The following ABITRAM variants were observed in gnomAD, a reference collection of about 807,000 sequenced individuals.
ABITRAM encodes protein Abitram.
Under a neutral mutation model 22.9 loss-of-function variants are expected in ABITRAM, and 19 were observed. The ratio of observed to expected loss-of-function variants is 0.83; its 90% CI spans 0.58 to 1.22. ABITRAM has a LOEUF of 1.22. ABITRAM is among the 50% of genes most tolerant of loss of function. The pLI, the probability that ABITRAM is intolerant of heterozygous loss-of-function variation, is 0.00. For synonymous variants in ABITRAM, 70 were observed against 73.9 expected, an observed-to-expected ratio of 0.95 and a Z score of 0.27; for missense variants, 215 against 220.2, an observed-to-expected ratio of 0.98 and a Z score of 0.15.
At chr9:108,937,825 C>CA (rs11378136) in intron 3 of ABITRAM, among the ~76,000 whole-genome samples, 74,159 of 147,358 alleles carry the variant, frequency 0.5, 18,626 homozygotes, top group Middle Eastern at 0.67. Flanking sequence ...TCATTTCTAC[C>CA]AAAAAAAAAA....
At chr9:108,939,162 A>C in intron 3 of ABITRAM, 34 bp from the exon 4 acceptor site, 1 of 1,587,312 alleles carries the variant, frequency 6.3e-7, no homozygotes, top group Non-Finnish European at 8.6e-7. Flanking sequence ...GGAAATGTCC[A>C]TCAACTGATT....
At chr9:108,934,898 T>C (rs1254079229) in intron 1 of ABITRAM, among the ~76,000 whole-genome samples, 1 of 152,136 alleles carries the variant, frequency 6.6e-6, no homozygotes, top group Admixed American at 6.5e-5. Flanking sequence ...ATTGAGGGGC[T>C]CACTCTCACA....
Position 108,939,842 on chromosome 9 carries a change from T to G in ABITRAM, c.*156T>G. On this transcript the variant is annotated 3_prime_UTR_variant, in exon 6 of 6. Transcript: ENST00000322940. ...CTTCACTTAGTTTTCCCTCTCTGTC[T>G]TCATAATGAGCCTTGGTTCCCATTT... The G allele has an allele frequency of 1.2e-6, 1 of 820,354 alleles. No homozygotes were observed. The highest frequency in any genetic ancestry group is 1.9e-6 in the Non-Finnish European group (1 of 538,828). The allele number at this position is 820,354 out of a possible 1,614,324, so 50.8% of individuals were successfully genotyped here. A position where few individuals can be genotyped will look rare whatever the true frequency, so the allele number is the denominator to read the frequency against.
intron 3 of ABITRAM, chr9:108,948,152 T>G: frequency 6.2e-7 from 1 of 1,605,586 alleles, no homozygotes; most frequent in Non-Finnish European, 8.5e-7. Context: ...AGCCCGAAAT[T>G]AAAGTACTAG....
intron 3 of ABITRAM, among the ~76,000 whole-genome samples, chr9:108,937,922 C>T (rs1336216171): frequency 1.3e-5 from 2 of 148,208 alleles, no homozygotes; most frequent in Non-Finnish European, 3.0e-5. Flanking sequence ...TGCTTGAGCA[C>T]AGGAGTCAAG....
chr9:108,943,983 A>G (rs751557242), downstream of ABITRAM: 1 of 1,613,896 alleles, frequency 6.2e-7, no homozygotes, highest in Non-Finnish European at 8.5e-7. Context: ...AAGCTTGAAC[A>G]CTGGAAGTAA....
At chr9:108,937,605 A>G (rs1445040878) in intron 3 of ABITRAM, among the ~76,000 whole-genome samples, 1 of 152,208 alleles carries the variant, frequency 6.6e-6, no homozygotes, top group Non-Finnish European at 1.5e-5. Context: ...GTGGACTTAG[A>G]AAAGCATGCA....
At chr9:108,936,915 C>G (rs1188147179) in intron 3 of ABITRAM, among the ~76,000 whole-genome samples, 3 of 151,686 alleles carry the variant, frequency 2.0e-5, no homozygotes, top group Non-Finnish European at 4.4e-5. Context: ...ATAATCTCAG[C>G]ATTTTGGGAG....
At position 108,938,700 on chromosome 9, in the gene ABITRAM, G is replaced by C. The variant is rs568539836; in HGVS notation, c.262-496G>C. 7.7e-4 allele frequency among the ~76,000 whole-genome samples: 109 copies of C among 142,344 alleles called. 1 individual carries two copies. The highest frequency in any genetic ancestry group is 1.6e-3 in the Admixed American group (23 of 14,132). 93.4% of individuals were successfully genotyped at this position (142,344 alleles called of 152,430 possible). ...ACTGGGGAATTACAAAGGGGGGGGG[G>C]GGAAAGAACAATATCCCTTCTTCAA... is the stretch of plus-strand genomic sequence containing the variant. On this transcript the variant is annotated intron_variant, in intron 3 of 5. Transcript: ENST00000322940.
At chr9:108,947,117 T>C (rs1587940981) in intron 3 of ABITRAM, among the ~76,000 whole-genome samples, 4 of 146,592 alleles carry the variant, frequency 2.7e-5, no homozygotes, top group African/African-American at 9.9e-5. Context: ...ATTTCTTTCT[T>C]TTTTTTTTTT....
Position 108,939,208 on chromosome 9 carries a change from C to G in ABITRAM, c.274C>G (p.Leu92Val). The change falls in exon 4 of 6, where the codon CTA (leucine) becomes GTA (valine). Residue 92 changes from leucine (L) to valine (V), a missense_variant. Leu to Val is a conservative substitution (Grantham distance 32). Transcript: ENST00000322940. Reference sequence around the variant, plus strand: ...TCTCATTACACAGGGGGCACAGTTTCTAACAGAGCTTGCACCTCTCTGTAA... The same window carrying G: ...TCTCATTACACAGGGGGCACAGTTTGTAACAGAGCTTGCACCTCTCTGTAA... Reference protein sequence around the residue: ...SGKFKRGAQFLTELAPLCKIY... With the variant: ...SGKFKRGAQFVTELAPLCKIY... 2.5e-6 allele frequency: 4 copies of G among 1,613,752 alleles called. No individual in the cohort carries two copies. Among genetic ancestry groups the G allele is most frequent in the Non-Finnish European group, 3.4e-6 (4 of 1,179,874 alleles).
chr9:108,943,651 CT>C, downstream of ABITRAM: 2 of 1,484,432 alleles, frequency 1.3e-6, no homozygotes, highest in Non-Finnish European at 1.8e-6. Flanking sequence ...GAAAAAGGGG[CT>C]TTAACCAGAT....
At chr9:108,939,054 TAATG>T in intron 3 of ABITRAM, 138 bp from the exon 4 acceptor site, 2 of 669,734 alleles carry the variant, frequency 3.0e-6, no homozygotes, top group South Asian at 5.1e-5. Flanking sequence ...GTTCTGAAAT[TAATG>T]AATGGTTTTT....
In ABITRAM at chr9:108,939,844, C is replaced by T; in HGVS notation, c.*158C>T. ...TCACTTAGTTTTCCCTCTCTGTCTTCATAATGAGCCTTGGTTCCCATTTGT... is the reference window on the plus strand; with the variant it reads ...TCACTTAGTTTTCCCTCTCTGTCTTTATAATGAGCCTTGGTTCCCATTTGT... On this transcript the variant is annotated 3_prime_UTR_variant, in exon 6 of 6. Coordinates refer to ENST00000322940, the MANE Select transcript of ABITRAM (RefSeq NM_017832.4). 1 of 801,418 alleles carries T rather than the reference C, an allele frequency of 1.2e-6. No individual in the cohort carries two copies. Among genetic ancestry groups the T allele is most frequent in the Non-Finnish European group, 1.9e-6 (1 of 522,980 alleles). The allele number at this position is 801,418 out of a possible 1,614,324, so 49.6% of individuals were successfully genotyped here. A position where few individuals can be genotyped will look rare whatever the true frequency, so the allele number is the denominator to read the frequency against.
intron 1 of ABITRAM, 54 bp downstream of exon 1, chr9:108,934,619 T>C: frequency 4.0e-6 from 6 of 1,509,976 alleles, no homozygotes; most frequent in Non-Finnish European, 5.4e-6. Flanking sequence ...TAATGCTGTG[T>C]AGACTATGTT....
chr9:108,939,804 G>T lies in ABITRAM; in HGVS notation c.*118G>T. 1 of 1,192,646 alleles carries T rather than the reference G, an allele frequency of 8.4e-7. No homozygotes were observed. Among genetic ancestry groups the T allele is most frequent in the Non-Finnish European group, 1.2e-6 (1 of 849,454 alleles). 73.9% of individuals were successfully genotyped at this position (1,192,646 alleles called of 1,614,324 possible). A position where few individuals can be genotyped will look rare whatever the true frequency, so the allele number is the denominator to read the frequency against. ...ATACCTAACAGCCAGCCATATGCAG[G>T]GGAGGCCTAGTGCTTCACTTAGTTT... On this transcript the variant is annotated 3_prime_UTR_variant, in exon 6 of 6. Coordinates refer to ENST00000322940, the MANE Select transcript of ABITRAM (RefSeq NM_017832.4).
downstream of ABITRAM, among the ~76,000 whole-genome samples, chr9:108,941,431 T>C (rs997284889): frequency 6.6e-6 from 1 of 152,186 alleles, no homozygotes; most frequent in African/African-American, 2.4e-5. Flanking sequence ...CTCACATCAT[T>C]CTCCCATTAT....
At chr9:108,941,391 TTGTG>T (rs1004743724), downstream of ABITRAM, among the ~76,000 whole-genome samples, 5 of 152,210 alleles carry the variant, frequency 3.3e-5, no homozygotes, top group African/African-American at 9.6e-5. Context: ...AGTAAAAGAA[TTGTG>T]TATAACATTT....
chr9:108,950,440 A>T (rs990675225), intron 3 of ABITRAM: 1 of 1,500,112 alleles, frequency 6.7e-7, no homozygotes, highest in African/African-American at 1.4e-5. Flanking sequence ...ATGATAAGGT[A>T]CTGACAAATG....
Sources: gnomAD v4.1 joint callset for allele counts (sites outside exome capture counted in the v4.1 genomes callset) on GRCh38, gnomAD v4.1.1 for gene constraint, MANE v1.5 for transcripts, NCBI Gene and HGNC (gene_info 2026-07-23, HGNC 2026-07-21) for gene names.